TTLL10: variants seen among roughly 807,000 people sequenced by gnomAD.
TTLL10 encodes the protein tubulin tyrosine ligase like 10.
In TTLL10, 61 loss-of-function variants were observed where a neutral mutation model predicts 69.0. That is an observed-to-expected ratio of 0.88 (90% CI 0.72 to 1.09). The LOEUF is 1.09. Ranked by LOEUF, TTLL10 falls within the 50% of genes least tolerant of loss-of-function variation. The probability of loss-of-function intolerance (pLI) is 0.00; values close to 1 mark genes in which losing one functional copy is unlikely to be tolerated. For synonymous variants in TTLL10, 408 were observed against 393.3 expected (o/e 1.04, Z -0.44); for missense variants, 962 against 945.9 (o/e 1.02, Z -0.22).
intron 13 of TTLL10, among the ~76,000 whole-genome samples, chr1:1,189,748 C>T (rs1301343217): frequency 2.6e-5 from 4 of 152,144 alleles, no homozygotes; most frequent in Admixed American, 1.3e-4. Context: ...ATTACTAATA[C>T]TGCTGCAATC....
Position 1,185,448 on chromosome 1 carries a change from G to A in TTLL10, c.1401+339G>A. 9.0e-7 allele frequency: 1 copy of A among 1,111,118 alleles called. No homozygotes were observed. The highest frequency in any genetic ancestry group is 1.1e-6 in the Non-Finnish European group (1 of 910,662). The allele number at this position is 1,111,118 out of a possible 1,614,324, so 68.8% of individuals were successfully genotyped here. On this transcript the variant is annotated intron_variant, in intron 13 of 15. Coordinates refer to ENST00000379289, the MANE Select transcript of TTLL10 (RefSeq NM_001130045.2). This position sits in a 1 kb window ranked among gnomAD's most constrained non-coding sequence, Gnocchi z 6.1. ...TTCCTTTCAGATCCTCCACTTGGCA[G>A]GCAGGGCCAACAGCAGCCCCCGGGC...
chr1:1,177,248 ATGTC>A (rs989614754), intron 3 of TTLL10, among the ~76,000 whole-genome samples: 1 of 144,100 alleles, frequency 6.9e-6, no homozygotes, highest in Non-Finnish European at 1.5e-5. Flanking sequence ...AAGTGTCGAC[ATGTC>A]TGTGTGTGTC....
At chr1:1,183,579 G>A (rs962961849) in intron 11 of TTLL10, among the ~76,000 whole-genome samples, 1 of 152,112 alleles carries the variant, frequency 6.6e-6, no homozygotes, top group African/African-American at 2.4e-5. Flanking sequence ...CGAGCTCTCC[G>A]CCTGGCGCAC....
chr1:1,196,455 G>A (rs1425293043), intron 13 of TTLL10, 145 bp from the exon 14 acceptor site: 4 of 643,018 alleles, frequency 6.2e-6, no homozygotes, highest in Non-Finnish European at 1.1e-5. Flanking sequence ...GTGAGGCTGA[G>A]TGCACGAACG....
intron 3 of TTLL10, among the ~76,000 whole-genome samples, chr1:1,178,005 T>C (rs1011073501): frequency 1.3e-5 from 2 of 152,184 alleles, no homozygotes; most frequent in Non-Finnish European, 2.9e-5. Flanking sequence ...GACTGGGTCA[T>C]CGTGCAGACG....
Position 1,185,123 on chromosome 1 carries a change from GC to G in TTLL10, c.1401+17del. The G allele has an allele frequency of 6.2e-7, 1 of 1,610,372 alleles. No individual in the cohort carries two copies. On this transcript the variant is annotated intron_variant, in intron 13 of 15. Transcript: ENST00000379289. The surrounding 1 kb of genome is among the most constrained non-coding windows in gnomAD (Gnocchi z 6.1). Reference sequence around the variant, plus strand: ...ACCACCCTCAAGGTGCGTCCACTGTGCCCTCCAGTCTGGGAGTGAGATCCCT... The same window carrying G: ...ACCACCCTCAAGGTGCGTCCACTGTGCCTCCAGTCTGGGAGTGAGATCCCT...
chr1:1,180,124 G>C lies in TTLL10; in HGVS notation c.290G>C (p.Cys97Ser), dbSNP rs1426809547. Residue 97 changes from cysteine (C) to serine (S), a missense_variant, in exon 6 of 16, where the codon TGT (cysteine) becomes TCT (serine). Transcript: ENST00000379289. ...SQPDHDADGH[C>S]GPDLEGAERA... ...CCAGACCACGACGCAGATGGACACT[G>C]TGGGCCGGACCTGGAGGGGGCAGAA... 2 of 1,611,552 alleles carry C rather than the reference G, an allele frequency of 1.2e-6. No individual in the cohort carries two copies. The highest frequency in any genetic ancestry group is 1.7e-4 in the Middle Eastern group (1 of 6,040).
At chr1:1,195,149 T>C (rs1305063719) in intron 13 of TTLL10, among the ~76,000 whole-genome samples, 2 of 152,014 alleles carry the variant, frequency 1.3e-5, no homozygotes, top group Non-Finnish European at 2.9e-5. Context: ...CACCATCACA[T>C]CTGGCTAATT....
chr1:1,174,773 T>C (rs2100833855), intron 3 of TTLL10: 1 of 152,356 alleles, frequency 6.6e-6, no homozygotes, highest in Non-Finnish European at 1.5e-5. Flanking sequence ...GCGTCCCACC[T>C]GCATTCAGGC....
At chr1:1,176,811 C>T (rs997564679) in intron 3 of TTLL10, among the ~76,000 whole-genome samples, 1 of 152,244 alleles carries the variant, frequency 6.6e-6, no homozygotes, top group Non-Finnish European at 1.5e-5. Flanking sequence ...CCCTTCTGGG[C>T]AGTTTCCTTG....
At chr1:1,179,414 G>A (rs1013656546) in intron 4 of TTLL10, 81 bp downstream of exon 4, 13 of 1,393,740 alleles carry the variant, frequency 9.3e-6, no homozygotes, top group Non-Finnish European at 1.3e-5. Context: ...ACCCAAGGAA[G>A]TCAGTCGGCC....
At chr1:1,176,191 G>C (rs1646866181) in intron 3 of TTLL10, 1 of 448,736 alleles carries the variant, frequency 2.2e-6, no homozygotes, top group Non-Finnish European at 4.4e-6. Context: ...GGCTGCCGCT[G>C]TGCCGGTGGA....
Position 1,197,722 on chromosome 1 carries a change from C to A in TTLL10, c.1897C>A (p.His633Asn), listed in dbSNP as rs1648342520. 1.3e-6 allele frequency: 2 copies of A among 1,531,456 alleles called. No individual in the cohort carries two copies. Among genetic ancestry groups the A allele is most frequent in the East Asian group, 2.5e-5 (1 of 39,702 alleles). 94.9% of individuals were successfully genotyped at this position (1,531,456 alleles called of 1,614,324 possible). A position where few individuals can be genotyped will look rare whatever the true frequency, so the allele number is the denominator to read the frequency against. ...ACCCGGCCCCGACCTGGACAGCGCCCACGATGGGGAGCCCCAGGCCCCGGG... is the reference window on the plus strand; with the variant it reads ...ACCCGGCCCCGACCTGGACAGCGCCAACGATGGGGAGCCCCAGGCCCCGGG... ...RPPGPDLDSA[H>N]DGEPQAPGTE... The change falls in exon 16 of 16, where the codon CAC becomes AAC. Residue 633 changes from histidine (H) to asparagine (N), a missense_variant. By Grantham distance (68) the His-to-Asn change is moderately conservative. Transcript: ENST00000379289.
chr1:1,180,962 CTGCCCTT>C lies in TTLL10; in HGVS notation c.755+103_755+109del. On this transcript the variant is annotated intron_variant, in intron 8 of 15. Coordinates refer to ENST00000379289, the MANE Select transcript of TTLL10 (RefSeq NM_001130045.2). ...CCCACCCCTGCCCCTGCGCCCGCCC[CTGCCCTT>C]GCCCCTGCCCCTGGCCACCCAGGCT... 3 of 1,151,600 alleles carry C rather than the reference CTGCCCTT, an allele frequency of 2.6e-6. No homozygotes were observed. In the African/African-American group the frequency reaches 5.4e-5, roughly 21 times the overall value. 71.3% of individuals were successfully genotyped at this position (1,151,600 alleles called of 1,614,324 possible).
At chr1:1,178,231 CCT>C (rs1646933427) in intron 3 of TTLL10, among the ~76,000 whole-genome samples, 1 of 152,172 alleles carries the variant, frequency 6.6e-6, no homozygotes, top group South Asian at 2.1e-4. Context: ...CGTGTGCTCC[CCT>C]GTCTCCTGGG....
chr1:1,197,868 C>A lies in TTLL10; in HGVS notation c.*21C>A, dbSNP rs1225433519. 3 of 1,399,384 alleles carry A rather than the reference C, an allele frequency of 2.1e-6. No individual in the cohort carries two copies. The African/African-American group carries it at 4.6e-5, about 22-fold the overall frequency. The allele number at this position is 1,399,384 out of a possible 1,614,324, so 86.7% of individuals were successfully genotyped here. On this transcript the variant is annotated 3_prime_UTR_variant, in exon 16 of 16. Coordinates refer to ENST00000379289, the MANE Select transcript of TTLL10 (RefSeq NM_001130045.2). Reference sequence around the variant, plus strand: ...CCTAGGGGCAGCCACCCGCGCCCAGCGCCCCGCGCCCCGCGCCCCAGCCGT... The same window carrying A: ...CCTAGGGGCAGCCACCCGCGCCCAGAGCCCCGCGCCCCGCGCCCCAGCCGT...
rs774624126 is a variant in TTLL10, at chr1:1,182,967, G to C, written c.1008G>C (p.Gln336His). Reference protein sequence around the residue: ...LRNQEEVAALQAKTRSMEDDP... With the variant: ...LRNQEEVAALHAKTRSMEDDP... ...ACCAGGAGGAAGTTGCCGCCCTGCA[G>C]GCCAAGACCCGGAGCATGGAGGACG... Residue 336 changes from glutamine to histidine, a missense_variant, in exon 11 of 16, where the codon CAG (glutamine) becomes CAC (histidine). By Grantham distance (24) the Gln-to-His change is conservative. Transcript: ENST00000379289. 3 of 1,606,962 alleles carry C rather than the reference G, an allele frequency of 1.9e-6. No homozygotes were observed. The highest frequency in any genetic ancestry group is 2.5e-6 in the Non-Finnish European group (3 of 1,177,328).
rs1647073615 is a variant in TTLL10, at chr1:1,181,690, A to G, written c.756-51A>G. On this transcript the variant is annotated intron_variant, in intron 8 of 15. Transcript: ENST00000379289. The surrounding 1 kb of genome is among the most constrained non-coding windows in gnomAD (Gnocchi z 4.6). The stretch of plus-strand genomic sequence containing the variant: ...CATCCCCCAGTCCCCACCCGCTCCA[A>G]GCACCATGAGCTGGCCCCTCAGTCC... 1 of 1,534,610 alleles carries G rather than the reference A, an allele frequency of 6.5e-7. No individual in the cohort carries two copies. Among genetic ancestry groups the G allele is most frequent in the African/African-American group, 1.4e-5 (1 of 73,302 alleles).
In TTLL10 at chr1:1,197,862, G is replaced by A. The variant is rs762509493; in HGVS notation, c.*15G>A. 182 of 1,425,962 alleles carry A rather than the reference G, an allele frequency of 1.3e-4. No homozygotes were observed. Among genetic ancestry groups the A allele is most frequent in the Middle Eastern group, 2.4e-4 (1 of 4,134 alleles). The allele number at this position is 1,425,962 out of a possible 1,614,324, so 88.3% of individuals were successfully genotyped here. ...CGAGGCCCTAGGGGCAGCCACCCGC[G>A]CCCAGCGCCCCGCGCCCCGCGCCCC... On this transcript the variant is annotated 3_prime_UTR_variant, in exon 16 of 16. Transcript: ENST00000379289.
Sources: allele counts gnomAD v4.1 joint callset (sites outside exome capture counted in the v4.1 genomes callset), GRCh38; gene constraint gnomAD v4.1.1; non-coding constraint Gnocchi (gnomAD v3.1); transcripts MANE v1.5; gene names NCBI Gene and HGNC (gene_info 2026-07-23, HGNC 2026-07-21).